ZNF592: variants seen among roughly 807,000 people sequenced by gnomAD.
ZNF592 encodes the protein spinocerebellar ataxia, autosomal recessive 5.
In ZNF592, 11 loss-of-function variants were observed where a neutral mutation model predicts 80.3. That is an observed-to-expected ratio of 0.14 (90% CI 0.09 to 0.23). The LOEUF (loss-of-function observed/expected upper bound fraction) is 0.23. ZNF592 is among the 10% of genes least tolerant of loss of function. The pLI is 1.00. For synonymous variants in ZNF592, 646 were observed against 640.3 expected (o/e 1.01, Z -0.13); for missense variants, 1,420 against 1,633.9 (o/e 0.87, Z 2.26).
chr15:84,782,476 C>G (rs117305302), intron 3 of ZNF592, among the ~76,000 whole-genome samples, 181 bp from the exon 4 acceptor site: 1 of 152,136 alleles, frequency 6.6e-6, no homozygotes, highest in East Asian at 1.9e-4. Context: ...TCTCTGCCCC[C>G]ACCTCTCCAG....
chr15:84,783,523 C>T lies in ZNF592; in HGVS notation c.848C>T (p.Ser283Phe), dbSNP rs2141986020. 1.2e-6 allele frequency: 2 copies of T among 1,614,254 alleles called. No homozygotes were observed. The highest frequency in any genetic ancestry group is 1.7e-6 in the Non-Finnish European group (2 of 1,180,036). ...AAGCCAGCTCATTCCAAGCTGTCCTCTTGTGTGGCAGCCTTGGTGGCCTTG... is the reference window on the plus strand; with the variant it reads ...AAGCCAGCTCATTCCAAGCTGTCCTTTTGTGTGGCAGCCTTGGTGGCCTTG... ...RLKPAHSKLS[S>F]CVAALVALQA... The change falls in exon 4 of 11, where the codon TCT becomes TTT. Residue 283 changes from serine (S) to phenylalanine (F), a missense_variant. Transcript: ENST00000560079. This position sits in a 1 kb window ranked among gnomAD's most constrained non-coding sequence, Gnocchi z 5.0.
rs1030991010 is a variant in ZNF592, at chr15:84,804,679, A to G, written c.*2286A>G. 2 of 152,236 alleles carry G rather than the reference A, an allele frequency of 1.3e-5. No homozygotes were observed. Among genetic ancestry groups the G allele is most frequent in the African/African-American group, 4.8e-5 (2 of 41,460 alleles). 9.4% of individuals were successfully genotyped at this position (152,236 alleles called of 1,614,324 possible). On this transcript the variant is annotated 3_prime_UTR_variant, in exon 11 of 11. Transcript: ENST00000560079. ...ATAAAACACTATATGAATGTGGGGA[A>G]ATCTTTACTTGACCTTAGGGCATGG... is the stretch of plus-strand genomic sequence containing the variant.
chr15:84,760,686 G>T (rs560028842), intron 1 of ZNF592, among the ~76,000 whole-genome samples: 1 of 152,330 alleles, frequency 6.6e-6, no homozygotes, highest in Non-Finnish European at 1.5e-5. Context: ...GTAGCTAGCA[G>T]CTGGAGTAGG....
At chr15:84,800,704 A>G (rs893481488) in intron 10 of ZNF592, among the ~76,000 whole-genome samples, 11 of 152,206 alleles carry the variant, frequency 7.2e-5, no homozygotes, top group African/African-American at 1.7e-4. Flanking sequence ...CACCTGTCCA[A>G]TTGTAAAATG....
intron 4 of ZNF592, 136 bp from the exon 5 acceptor site, chr15:84,790,569 C>A: frequency 1.1e-6 from 1 of 878,282 alleles, no homozygotes; most frequent in Non-Finnish European, 1.9e-6. Flanking sequence ...TCAGAAGTGT[C>A]CAGGAGAGTT....
At chr15:84,756,124 T>C (rs1208447508) in intron 1 of ZNF592, among the ~76,000 whole-genome samples, 1 of 152,218 alleles carries the variant, frequency 6.6e-6, no homozygotes, top group Non-Finnish European at 1.5e-5. Context: ...ATCAAGGGAC[T>C]GTTAAGAGAG....
chr15:84,748,895 T>TCCGCCGCTGCGA lies in ZNF592; in HGVS notation c.-259+252_-259+263dup, dbSNP rs550685087. Among the ~76,000 whole-genome samples, 121 of 149,426 alleles carry TCCGCCGCTGCGA rather than the reference T, an allele frequency of 8.1e-4. 1 individual carries two copies. In the East Asian group the frequency reaches 0.014, roughly 18 times the overall value. ...CCCCGGCCGTCGGGCGCCGGCCCCTTCCGCCGCTGCGACCGCCGCTGCGAC... is the reference window on the plus strand; with the variant it reads ...CCCCGGCCGTCGGGCGCCGGCCCCTTCCGCCGCTGCGACCGCCGCTGCGACCGCCGCTGCGAC... On this transcript the variant is annotated intron_variant, in intron 1 of 10. Coordinates refer to ENST00000560079, the MANE Select transcript of ZNF592 (RefSeq NM_014630.3).
At chr15:84,748,797 TGGCCGCCGCCA>T (rs1898924265) in intron 1 of ZNF592, 133 bp downstream of exon 1, 1 of 146,498 alleles carries the variant, frequency 6.8e-6, no homozygotes, top group Admixed American at 6.8e-5. Flanking sequence ...TGGCGGACCC[TGGCCGCCGCCA>T]GAGGCGGCAG....
rs1308661505 is a variant in ZNF592, at chr15:84,784,243, C to A, written c.1568C>A (p.Ser523Tyr). 6.2e-7 allele frequency: 1 copy of A among 1,614,256 alleles called. No homozygotes were observed. The highest frequency in any genetic ancestry group is 8.5e-7 in the Non-Finnish European group (1 of 1,180,056). Residue 523 changes from serine (S) to tyrosine (Y), a missense_variant, in exon 4 of 11, where the codon TCT (serine) becomes TAT (tyrosine). By Grantham distance (144) the Ser-to-Tyr change is moderately radical. Transcript: ENST00000560079. The surrounding 1 kb of genome is among the most constrained non-coding windows in gnomAD (Gnocchi z 5.8). ...GTTGCTGCATCAGTGACAGCCAAGT[C>A]TTCAGTGCAAAGACGGAGCCAGCCA... is the stretch of plus-strand genomic sequence containing the variant. ...HSVAASVTAK[S>Y]SVQRRSQPQL...
intron 3 of ZNF592, among the ~76,000 whole-genome samples, chr15:84,779,652 T>C (rs1288698171): frequency 6.6e-6 from 1 of 152,122 alleles, no homozygotes; most frequent in Non-Finnish European, 1.5e-5. Context: ...GTGCCTGACC[T>C]AAAATCTCTA....
chr15:84,784,890 G>T lies in ZNF592; in HGVS notation c.2215G>T (p.Gly739Trp). ...CCAGAGGACAACAGAGGAGACAGAG[G>T]GGCTGGTAAGCAGACCCTCACTGTT... ...HFQRTTEETE[G>W]LTCQVCQMLL... The change falls in exon 4 of 11, where the codon GGG becomes TGG. Residue 739 changes from glycine (G) to tryptophan (W), a missense_variant. Coordinates refer to ENST00000560079, the MANE Select transcript of ZNF592 (RefSeq NM_014630.3). This position sits in a 1 kb window ranked among gnomAD's most constrained non-coding sequence, Gnocchi z 5.8. 6.2e-7 allele frequency: 1 copy of T among 1,614,120 alleles called. No homozygotes were observed.
chr15:84,799,511 C>G lies in ZNF592; in HGVS notation c.3137+301C>G, dbSNP rs1567078392. Among the ~76,000 whole-genome samples the G allele has an allele frequency of 6.6e-6, 1 of 152,166 alleles. No homozygotes were observed. Among genetic ancestry groups the G allele is most frequent in the Non-Finnish European group, 1.5e-5 (1 of 68,018 alleles). ...TGATGTGAGCATGCACCCCTGGGGC[C>G]GAGAGGCTTCTGCACCATCTGCCTG... On this transcript the variant is annotated intron_variant, in intron 9 of 10. Transcript: ENST00000560079. The surrounding 1 kb of genome is among the most constrained non-coding windows in gnomAD (Gnocchi z 4.2).
chr15:84,772,588 A>G (rs775282008), intron 2 of ZNF592, among the ~76,000 whole-genome samples: 1 of 152,176 alleles, frequency 6.6e-6, no homozygotes, highest in Non-Finnish European at 1.5e-5. Context: ...CTTAATTACA[A>G]GCAATAATGC....
chr15:84,801,145 ACT>A (rs1963084497), intron 10 of ZNF592, among the ~76,000 whole-genome samples: 2 of 152,078 alleles, frequency 1.3e-5, no homozygotes, highest in Non-Finnish European at 2.9e-5. Context: ...ACATTGGGAG[ACT>A]CTGTCTCTAC....
chr15:84,778,830 G>A (rs756957054), intron 3 of ZNF592, among the ~76,000 whole-genome samples: 4 of 152,192 alleles, frequency 2.6e-5, no homozygotes, highest in South Asian at 4.1e-4. Context: ...GAAGAATGGC[G>A]TGTGCATGTG....
intron 2 of ZNF592, among the ~76,000 whole-genome samples, chr15:84,769,309 T>C (rs1454467672): frequency 6.6e-6 from 1 of 151,892 alleles, no homozygotes; most frequent in Non-Finnish European, 1.5e-5. Context: ...GACAAGAAGG[T>C]AATGAACAAT....
chr15:84,784,085 A>G lies in ZNF592; in HGVS notation c.1410A>G (p.Pro470=), dbSNP rs140423359. The stretch of plus-strand genomic sequence containing the variant: ...GCTGCAGTTCTGGGCCCCGGGTCCC[A>G]AAGGGGGCTGCCCCAGGCTCACAGA... ...SPSCSSGPRV[P]KGAAPGSQTG... The change falls in exon 4 of 11, where the codon CCA becomes CCG. Residue 470 remains proline, a synonymous_variant. Transcript: ENST00000560079. The surrounding 1 kb of genome is among the most constrained non-coding windows in gnomAD (Gnocchi z 5.8). The G allele has an allele frequency of 3.8e-5, 61 of 1,613,962 alleles. No homozygotes were observed. Among genetic ancestry groups the G allele is most frequent in the Non-Finnish European group, 5.0e-5 (59 of 1,179,964 alleles).
chr15:84,790,802 G>A lies in ZNF592; in HGVS notation c.2318G>A (p.Cys773Tyr), dbSNP rs1180045052. 1 of 1,614,232 alleles carries A rather than the reference G, an allele frequency of 6.2e-7. No homozygotes were observed. The highest frequency in any genetic ancestry group is 8.5e-7 in the Non-Finnish European group (1 of 1,180,052). Residue 773 changes from cysteine to tyrosine, a missense_variant, in exon 5 of 11, where the codon TGT becomes TAT. Around this residue, in one of 7 missense-constraint regions of ZNF592, gnomAD observed 524 missense variants for 628.3 expected, o/e 0.83. Coordinates refer to ENST00000560079, the MANE Select transcript of ZNF592 (RefSeq NM_014630.3). ...AHKSPYCCPE[C>Y]GVLCRSAYFQ... ...AAGTCCCCCTACTGCTGCCCGGAGT[G>A]TGGGGTCCTCTGCCGCTCTGCCTAC...
chr15:84,765,464 A>G (rs1279096632), intron 2 of ZNF592, among the ~76,000 whole-genome samples: 1 of 148,778 alleles, frequency 6.7e-6, no homozygotes, highest in Non-Finnish European at 1.5e-5. Flanking sequence ...CAGCTGCACC[A>G]TTTTACATTC....
Sources: gnomAD v4.1 joint callset for allele counts (sites outside exome capture counted in the v4.1 genomes callset) on GRCh38, gnomAD v4.1.1 for gene constraint, gnomAD v4.1.1 regional missense constraint, Gnocchi (gnomAD v3.1) non-coding constraint, MANE v1.5 for transcripts, NCBI Gene and HGNC (gene_info 2026-07-23, HGNC 2026-07-21) for gene names.